The following CEMIP2 variants were observed in gnomAD, a reference collection of about 807,000 sequenced individuals.
CEMIP2 encodes the protein cell migration inducing hyaluronidase 2.
In CEMIP2, 79 loss-of-function variants were observed where a neutral mutation model predicts 146.9. The observed-to-expected ratio is 0.54, with a 90% CI of 0.45 to 0.65. The LOEUF is 0.65. Among genes scored for constraint, CEMIP2 ranks in the 30% least tolerant of loss-of-function variants. CEMIP2 has a pLI of 0.00. For synonymous variants in CEMIP2, 601 were observed against 606.3 expected, an observed-to-expected ratio of 0.99 and a Z score of 0.13; for missense variants, 1,596 against 1,696.2, an observed-to-expected ratio of 0.94 and a Z score of 1.04.
At chr9:71,720,589 G>T (rs1259539724) in intron 12 of CEMIP2, among the ~76,000 whole-genome samples, 1 of 152,176 alleles carries the variant, frequency 6.6e-6, no homozygotes, top group African/African-American at 2.4e-5. Context: ...ATCACGCCCG[G>T]CCCTGATTAA....
At chr9:71,759,142 T>C (rs985515730) in intron 1 of CEMIP2, among the ~76,000 whole-genome samples, 2 of 152,212 alleles carry the variant, frequency 1.3e-5, no homozygotes, top group Non-Finnish European at 2.9e-5. Flanking sequence ...GACAAGGGAC[T>C]GAGAACCCCT....
chr9:71,724,222 A>G (rs1823320193), intron 11 of CEMIP2, among the ~76,000 whole-genome samples: 1 of 152,116 alleles, frequency 6.6e-6, no homozygotes. Flanking sequence ...TGAACCCAGG[A>G]GGCAGAGGTG....
chr9:71,692,160 A>T (rs1018637642), intron 21 of CEMIP2, among the ~76,000 whole-genome samples: 2 of 151,718 alleles, frequency 1.3e-5, no homozygotes, highest in African/African-American at 2.4e-5. Context: ...GCAATCCCAG[A>T]TCTTAGGGAA....
At position 71,745,515 on chromosome 9, in the gene CEMIP2, G is replaced by A. The variant is rs1824061843; in HGVS notation, c.537C>T (p.Ile179=). ...SRNITLRTHY[I]LIQDGGALHI... The stretch of plus-strand genomic sequence containing the variant: ...GAAGCGCCCCACCATCCTGGATCAG[G>A]ATGTAATGAGTCCTCAAAGTAATAT... The change falls in exon 4 of 24, where the codon ATC becomes ATT. Residue 179 remains isoleucine, a synonymous_variant. Coordinates refer to ENST00000377044, the MANE Select transcript of CEMIP2 (RefSeq NM_013390.3). The A allele has an allele frequency of 6.2e-7, 1 of 1,613,528 alleles. No homozygotes were observed. Among genetic ancestry groups the A allele is most frequent in the Non-Finnish European group, 8.5e-7 (1 of 1,180,016 alleles).
chr9:71,764,919 CTT>C (rs397933000), intron 1 of CEMIP2, among the ~76,000 whole-genome samples: 8 of 144,822 alleles, frequency 5.5e-5, no homozygotes, highest in African/African-American at 1.5e-4. Context: ...GCTTTTCTTC[CTT>C]TTTTTTTTTT....
intron 1 of CEMIP2, among the ~76,000 whole-genome samples, chr9:71,756,210 G>GATAGATAGATAGATAGATAA (rs1824438480): frequency 7.0e-6 from 1 of 142,592 alleles, no homozygotes; most frequent in East Asian, 2.0e-4. Context: ...TAGATAGATA[G>GATAGATAGATAGATAGATAA]ATAGGCTATA....
At chr9:71,757,701 A>G (rs184191627) in intron 1 of CEMIP2, among the ~76,000 whole-genome samples, 1 of 152,296 alleles carries the variant, frequency 6.6e-6, no homozygotes, top group Admixed American at 6.5e-5. Flanking sequence ...GAAGAACACA[A>G]CAAAGAATAA....
At chr9:71,727,630 C>G (rs1319002415) in intron 10 of CEMIP2, among the ~76,000 whole-genome samples, 2 of 151,310 alleles carry the variant, frequency 1.3e-5, no homozygotes, top group Non-Finnish European at 3.0e-5. Flanking sequence ...GCAAACAATG[C>G]TAGGTATTTA....
chr9:71,711,925 T>C (rs762038465), intron 16 of CEMIP2, among the ~76,000 whole-genome samples, 158 bp downstream of exon 16: 2 of 152,202 alleles, frequency 1.3e-5, no homozygotes, highest in Non-Finnish European at 2.9e-5. Context: ...TTGAACTCAA[T>C]GGGAGAGAGT....
intron 1 of CEMIP2, among the ~76,000 whole-genome samples, chr9:71,761,867 A>G (rs1219078926): frequency 6.6e-6 from 1 of 152,214 alleles, no homozygotes; most frequent in Non-Finnish European, 1.5e-5. Flanking sequence ...TTAAATCCCT[A>G]TGAATGGAAT....
intron 15 of CEMIP2, 85 bp downstream of exon 15, chr9:71,714,849 C>G: frequency 6.9e-7 from 1 of 1,439,512 alleles, no homozygotes; most frequent in Non-Finnish European, 9.4e-7. Flanking sequence ...ACCAATCCAT[C>G]CAGGATTATC....
intron 4 of CEMIP2, among the ~76,000 whole-genome samples, chr9:71,741,391 T>TTC (rs766729821): frequency 6.0e-5 from 9 of 151,238 alleles, no homozygotes; most frequent in Admixed American, 4.6e-4. Flanking sequence ...GAGATGGGGT[T>TTC]TCTCCATGTT....
intron 20 of CEMIP2, among the ~76,000 whole-genome samples, chr9:71,696,319 T>C (rs772825483): frequency 2.0e-4 from 31 of 152,322 alleles, no homozygotes; most frequent in Admixed American, 3.3e-4. Context: ...CAGATTATTA[T>C]ATCAGCCTGG....
chr9:71,726,275 G>A (rs2131949816), intron 10 of CEMIP2, among the ~76,000 whole-genome samples: 1 of 152,120 alleles, frequency 6.6e-6, no homozygotes, highest in Non-Finnish European at 1.5e-5. Context: ...TTCAATTTCA[G>A]TATTACTGAC....
chr9:71,708,103 G>C (rs1017222919), intron 17 of CEMIP2, among the ~76,000 whole-genome samples: 1 of 152,140 alleles, frequency 6.6e-6, no homozygotes, highest in African/African-American at 2.4e-5. Context: ...GGAGAATGGC[G>C]TGAACCCAGG....
rs1165840865 is a variant in CEMIP2, at chr9:71,745,211, C to T, written c.841G>A (p.Glu281Lys). The T allele has an allele frequency of 1.2e-6, 2 of 1,614,100 alleles. No homozygotes were observed. The highest frequency in any genetic ancestry group is 1.7e-6 in the Non-Finnish European group (2 of 1,180,012). Residue 281 changes from glutamate (E) to lysine (K), a missense_variant, in exon 4 of 24, where the codon GAA becomes AAA. By Grantham distance (56) the Glu-to-Lys change is moderately conservative. Transcript: ENST00000377044. ...TCATGGGTATCAAATCTCTCACTTT[C>T]CAAAATTTTGGCCGTGTCTTGGTCA... The part of the protein sequence containing the change: ...VIDQDTAKIL[E>K]SERFDTHEYR...
intron 1 of CEMIP2, among the ~76,000 whole-genome samples, chr9:71,752,710 T>C (rs1049835533): frequency 2.0e-5 from 3 of 152,158 alleles, no homozygotes; most frequent in East Asian, 1.9e-4. Context: ...ATTCTAGTCA[T>C]AAAGGTACTT....
chr9:71,730,966 A>G (rs1823599883), intron 7 of CEMIP2, 52 bp from the exon 8 acceptor site: 2 of 1,449,902 alleles, frequency 1.4e-6, no homozygotes, highest in Non-Finnish European at 1.9e-6. Flanking sequence ...ATAGGGAAGT[A>G]GCAAAAAATA....
intron 5 of CEMIP2, among the ~76,000 whole-genome samples, chr9:71,738,174 T>A (rs1481138231): frequency 2.0e-5 from 3 of 152,220 alleles, no homozygotes; most frequent in Non-Finnish European, 4.4e-5. Context: ...TTCACATTTT[T>A]GCCAACAAAA....
Sources: allele counts gnomAD v4.1 joint callset (sites outside exome capture counted in the v4.1 genomes callset), GRCh38; gene constraint gnomAD v4.1.1; transcripts MANE v1.5; gene names NCBI Gene and HGNC (gene_info 2026-07-23, HGNC 2026-07-21).